SIL1: variants seen among roughly 807,000 people sequenced by gnomAD.
SIL1 encodes the protein SIL1 nucleotide exchange factor, also known as nucleotide exchange factor SIL1.
Under a neutral mutation model 49.1 loss-of-function variants are expected in SIL1, and 40 were observed. The observed-to-expected ratio is 0.81, with a 90% CI of 0.63 to 1.06. SIL1 has a LOEUF of 1.06. SIL1 is among the 50% of genes least tolerant of loss of function. The pLI, the probability that SIL1 is intolerant of heterozygous loss-of-function variation, is 0.00. For missense variants in SIL1, 500 were observed against 572.6 expected (o/e 0.87, Z 1.29); for synonymous variants, 253 against 250.8 (o/e 1.01, Z -0.08).
At chr5:139,027,830 C>T (rs988287705) in intron 5 of SIL1, among the ~76,000 whole-genome samples, 13 of 152,074 alleles carry the variant, frequency 8.5e-5, no homozygotes, top group Admixed American at 3.3e-4. Flanking sequence ...TATAAAAAGC[C>T]GGATGATGAA....
intron 3 of SIL1, among the ~76,000 whole-genome samples, chr5:139,112,039 G>T (rs1241396914): frequency 6.6e-6 from 1 of 152,236 alleles, no homozygotes; most frequent in Non-Finnish European, 1.5e-5. Flanking sequence ...TGGAGACGGG[G>T]TTTCGCTGTG....
At chr5:139,056,972 A>G (rs1486752494) in intron 3 of SIL1, among the ~76,000 whole-genome samples, 21 of 152,152 alleles carry the variant, frequency 1.4e-4, no homozygotes, top group Admixed American at 1.3e-3. Context: ...GTTCTGTACT[A>G]AGAAAAATTC....
chr5:139,052,481 T>C (rs1444029967), intron 3 of SIL1, among the ~76,000 whole-genome samples: 2 of 152,138 alleles, frequency 1.3e-5, no homozygotes, highest in Admixed American at 6.5e-5. Flanking sequence ...GGTCAGGAGT[T>C]CGAGACCAGC....
intron 1 of SIL1, among the ~76,000 whole-genome samples, chr5:139,172,700 G>A (rs564035015): frequency 1.3e-4 from 19 of 151,768 alleles, no homozygotes; most frequent in South Asian, 8.4e-4. Flanking sequence ...TTACACACAA[G>A]GATCCTCAAT....
chr5:139,127,905 T>A, intron 1 of SIL1, 52 bp from the exon 2 acceptor site: 2 of 1,152,600 alleles, frequency 1.7e-6, no homozygotes. Flanking sequence ...TAATGCTTGG[T>A]TCCCCCGCAC....
At chr5:139,145,804 T>C (rs1751184565) in intron 1 of SIL1, among the ~76,000 whole-genome samples, 1 of 151,996 alleles carries the variant, frequency 6.6e-6, no homozygotes, top group South Asian at 2.1e-4. Flanking sequence ...GGACAAATAT[T>C]GCTGGGTGTG....
intron 7 of SIL1, among the ~76,000 whole-genome samples, chr5:139,005,078 T>C (rs1185568612): frequency 1.3e-5 from 2 of 152,198 alleles, no homozygotes; most frequent in Non-Finnish European, 2.9e-5. Flanking sequence ...ATGGTGACTG[T>C]AGTTAATAAC....
chr5:138,988,546 G>A (rs749924090), intron 7 of SIL1, among the ~76,000 whole-genome samples: 23 of 152,220 alleles, frequency 1.5e-4, no homozygotes, highest in South Asian at 6.2e-4. Flanking sequence ...ATTTTTAAAC[G>A]TAGGTCAATG....
intron 1 of SIL1, among the ~76,000 whole-genome samples, chr5:139,175,184 T>C (rs1387009400): frequency 6.6e-6 from 1 of 152,074 alleles, no homozygotes; most frequent in African/African-American, 2.4e-5. Context: ...TTAGCTGGCA[T>C]GGTGGCACGC....
At chr5:139,196,360 T>C (rs981747579) in intron 1 of SIL1, 4 of 152,216 alleles carry the variant, frequency 2.6e-5, no homozygotes, top group Non-Finnish European at 4.4e-5. Context: ...CACCTACACC[T>C]GCACACATCA....
intron 6 of SIL1, among the ~76,000 whole-genome samples, chr5:139,023,235 T>C (rs1248797705): frequency 6.6e-6 from 1 of 151,578 alleles, no homozygotes; most frequent in African/African-American, 2.4e-5. Flanking sequence ...GGCCCCCCCC[T>C]GGTGACATAC....
At position 139,146,551 on chromosome 5, in the gene SIL1, C is replaced by G. The variant is rs370811859; in HGVS notation, c.-10-18698G>C. Among the ~76,000 whole-genome samples the G allele has an allele frequency of 2.3e-4, 35 of 152,084 alleles. No individual in the cohort carries two copies. The South Asian group carries it at 6.9e-3, about 30-fold the overall frequency. On this transcript the variant is annotated intron_variant, in intron 1 of 9. Transcript: ENST00000394817. The stretch of plus-strand genomic sequence containing the variant: ...CTAGCCTGGGTGACAGGGTGAGACT[C>G]TGTTTCAAAAAATGTTTAATAAAAT...
chr5:139,000,638 G>A (rs981485675), intron 7 of SIL1, among the ~76,000 whole-genome samples: 1 of 152,034 alleles, frequency 6.6e-6, no homozygotes, highest in African/African-American at 2.4e-5. Flanking sequence ...TATACTCTCA[G>A]AAGATAATAT....
intron 7 of SIL1, among the ~76,000 whole-genome samples, chr5:139,004,932 G>A (rs1420635126): frequency 6.6e-6 from 1 of 152,192 alleles, no homozygotes; most frequent in African/African-American, 2.4e-5. Flanking sequence ...GAGTAGAATG[G>A]TACTTACCAA....
intron 1 of SIL1, among the ~76,000 whole-genome samples, chr5:139,143,336 C>CAT (rs1462318169): frequency 1.2e-5 from 1 of 80,480 alleles, no homozygotes; most frequent in African/African-American, 6.2e-5. Context: ...CACACACACA[C>CAT]ACACACACAT....
At chr5:139,111,157 A>C (rs1770830004) in intron 3 of SIL1, among the ~76,000 whole-genome samples, 2 of 152,120 alleles carry the variant, frequency 1.3e-5, no homozygotes, top group African/African-American at 4.8e-5. Flanking sequence ...TCCATTTCTC[A>C]AGCACCCAAA....
Position 139,026,829 on chromosome 5 carries a change from A to T in SIL1, c.617T>A (p.Leu206His), listed in dbSNP as rs1768664631. The T allele has an allele frequency of 3.7e-6, 6 of 1,614,024 alleles. No homozygotes were observed. In the East Asian group the frequency reaches 1.3e-4, roughly 36 times the overall value. The change falls in exon 6 of 10, where the codon CTC becomes CAC. Residue 206 changes from leucine to histidine, a missense_variant. Coordinates refer to ENST00000394817, the MANE Select transcript of SIL1 (RefSeq NM_022464.5). ...SSSLEEKIAALFDLEYYVHQM... is the reference protein window; with the variant it reads ...SSSLEEKIAAHFDLEYYVHQM... ...ATGGACATAATATTCAAGATCAAAGAGCGCAGCAATCTTCTCTTCCAAACT... is the reference window on the plus strand; with the variant it reads ...ATGGACATAATATTCAAGATCAAAGTGCGCAGCAATCTTCTCTTCCAAACT...
intron 1 of SIL1, among the ~76,000 whole-genome samples, chr5:139,133,812 G>A (rs1448419053): frequency 6.6e-6 from 1 of 152,166 alleles, no homozygotes; most frequent in Non-Finnish European, 1.5e-5. Flanking sequence ...AAGTGAAAGG[G>A]CAAGAATTCC....
intron 3 of SIL1, among the ~76,000 whole-genome samples, chr5:139,070,741 A>AG (rs1216443690): frequency 6.6e-6 from 1 of 152,194 alleles, no homozygotes; most frequent in African/African-American, 2.4e-5. Context: ...GAGTTTGTAA[A>AG]GGGAAAAAAA....
Sources: allele counts gnomAD v4.1 joint callset (sites outside exome capture counted in the v4.1 genomes callset), GRCh38; gene constraint gnomAD v4.1.1; transcripts MANE v1.5; gene names NCBI Gene and HGNC (gene_info 2026-07-23, HGNC 2026-07-21).